EIF3H: variants seen among roughly 807,000 people sequenced by gnomAD.
EIF3H encodes eukaryotic translation initiation factor 3 subunit H, also known as eIF-3-gamma.
EIF3H carries 26 observed loss-of-function variants against 44.2 expected under a neutral mutation model. The observed-to-expected ratio is 0.59, with a 90% CI of 0.43 to 0.82. The LOEUF (loss-of-function observed/expected upper bound fraction) is 0.82. Among genes scored for constraint, EIF3H ranks in the 40% least tolerant of loss-of-function variants. The pLI, the probability that EIF3H is intolerant of heterozygous loss-of-function variation, is 0.00. For synonymous variants in EIF3H, 166 were observed against 151.9 expected (o/e 1.09, Z -0.68); for missense variants, 359 against 432.8 (o/e 0.83, Z 1.51).
intron 2 of EIF3H, among the ~76,000 whole-genome samples, chr8:116,722,433 G>A (rs1282633167): frequency 5.9e-5 from 9 of 152,096 alleles, no homozygotes; most frequent in Non-Finnish European, 1.5e-5. Flanking sequence ...TTGTGTCCTT[G>A]CTAGCTAACT....
chr8:116,722,561 ATATG>A (rs374505945), intron 2 of EIF3H, among the ~76,000 whole-genome samples: 34 of 152,240 alleles, frequency 2.2e-4, no homozygotes, highest in Middle Eastern at 3.4e-3. Context: ...CTCTTACTAC[ATATG>A]TATGTATCTT....
chr8:116,756,274 C>T (rs773291337), upstream of EIF3H, among the ~76,000 whole-genome samples: 14 of 152,178 alleles, frequency 9.2e-5, no homozygotes, highest in Non-Finnish European at 1.6e-4. Flanking sequence ...TAGATAGCTG[C>T]TTGTAACCAC....
At chr8:116,740,444 C>T (rs1444280694) in intron 1 of EIF3H, among the ~76,000 whole-genome samples, 2 of 152,134 alleles carry the variant, frequency 1.3e-5, no homozygotes, top group Non-Finnish European at 2.9e-5. Flanking sequence ...GGTCAGATCA[C>T]GACTCCCTTA....
chr8:116,762,289 G>A (rs1815525550), intron 1 of EIF3H, among the ~76,000 whole-genome samples: 1 of 152,154 alleles, frequency 6.6e-6, no homozygotes, highest in South Asian at 2.1e-4. Context: ...AACCAAGGTA[G>A]AAGTTTATTT....
At chr8:116,763,843 A>T (rs1815542346) in intron 1 of EIF3H, among the ~76,000 whole-genome samples, 1 of 152,192 alleles carries the variant, frequency 6.6e-6, no homozygotes, top group Non-Finnish European at 1.5e-5. Flanking sequence ...ACATTGATGA[A>T]ATTCAACAAA....
Position 116,701,995 on chromosome 8 carries a change from A to T in EIF3H, c.289+24021T>A, listed in dbSNP as rs199564698. ...GTCTTTGCAAGTTCTGTAAATCTAAATTTTTTTTTTAAATAAAAGATTTAA... is the reference window on the plus strand; with the variant it reads ...GTCTTTGCAAGTTCTGTAAATCTAATTTTTTTTTTTAAATAAAAGATTTAA... On this transcript the variant is annotated intron_variant, in intron 2 of 7. Transcript: ENST00000521861. Among the ~76,000 whole-genome samples the T allele has an allele frequency of 7.3e-5, 11 of 151,340 alleles. No individual in the cohort carries two copies. The East Asian group carries it at 1.7e-3, about 24-fold the overall frequency.
At chr8:116,711,519 A>T (rs1315563784) in intron 2 of EIF3H, among the ~76,000 whole-genome samples, 1 of 152,238 alleles carries the variant, frequency 6.6e-6, no homozygotes, top group African/African-American at 2.4e-5. Flanking sequence ...AAAACTGAGT[A>T]CATTTAAAGT....
At chr8:116,680,198 TG>T (rs1221037720) in intron 2 of EIF3H, among the ~76,000 whole-genome samples, 258 of 5,088 alleles carry the variant, frequency 0.051, 38 homozygotes, top group Non-Finnish European at 0.1. Flanking sequence ...TCCGGGAGGG[TG>T]GGGGGGGGGG....
intron 2 of EIF3H, among the ~76,000 whole-genome samples, chr8:116,685,361 T>G (rs1814059004): frequency 6.6e-6 from 1 of 152,190 alleles, no homozygotes; most frequent in African/African-American, 2.4e-5. Flanking sequence ...AAGAAGCCTG[T>G]TCTTCAGCCA....
intron 5 of EIF3H, among the ~76,000 whole-genome samples, chr8:116,650,154 A>C (rs992591655): frequency 6.6e-6 from 1 of 152,226 alleles, no homozygotes; most frequent in African/African-American, 2.4e-5. Context: ...ATTTTGCTTA[A>C]ATTTTAAAAT....
intron 5 of EIF3H, among the ~76,000 whole-genome samples, chr8:116,649,618 A>T (rs180814568): frequency 7.3e-4 from 111 of 152,314 alleles, no homozygotes; most frequent in African/African-American, 2.5e-3. Flanking sequence ...CTATACATAT[A>T]TATATTTTTA....
chr8:116,716,145 G>A (rs1187377555), intron 2 of EIF3H, among the ~76,000 whole-genome samples: 2 of 151,984 alleles, frequency 1.3e-5, no homozygotes, highest in Non-Finnish European at 2.9e-5. Flanking sequence ...AATCTCATAA[G>A]GAAATTATCA....
chr8:116,724,209 G>A (rs918579636), intron 2 of EIF3H, among the ~76,000 whole-genome samples: 1 of 152,160 alleles, frequency 6.6e-6, no homozygotes, highest in Admixed American at 6.5e-5. Flanking sequence ...CAATGGGAAA[G>A]GACAGTCTCT....
intron 5 of EIF3H, among the ~76,000 whole-genome samples, chr8:116,655,519 G>C (rs1813473767): frequency 6.6e-6 from 1 of 151,978 alleles, no homozygotes; most frequent in Non-Finnish European, 1.5e-5. Context: ...AGCCTCTTAG[G>C]ATCGTGTACA....
chr8:116,673,387 G>A (rs187926401), intron 2 of EIF3H, among the ~76,000 whole-genome samples: 11 of 152,212 alleles, frequency 7.2e-5, no homozygotes, highest in African/African-American at 7.2e-5. Context: ...TCATACTGTG[G>A]TATTTAGATG....
chr8:116,666,753 C>CAAAAAAAAAAAAAAAA lies in EIF3H; in HGVS notation c.290-7789_290-7774dup, dbSNP rs56700266. Among the ~76,000 whole-genome samples, 5 of 71,432 alleles carry CAAAAAAAAAAAAAAAA rather than the reference C, an allele frequency of 7.0e-5. 1 individual carries two copies. Among genetic ancestry groups the CAAAAAAAAAAAAAAAA allele is most frequent in the African/African-American group, 3.4e-4 (5 of 14,598 alleles). 46.9% of individuals were successfully genotyped at this position (71,432 alleles called of 152,430 possible). A position where few individuals can be genotyped will look rare whatever the true frequency, so the allele number is the denominator to read the frequency against. On this transcript the variant is annotated intron_variant, in intron 2 of 7. Coordinates refer to ENST00000521861, the MANE Select transcript of EIF3H (RefSeq NM_003756.3). ...CCAAATGAGAATCTTTAGTGTTAGG[C>CAAAAAAAAAAAAAAAA]AAAAAAAAAAAAAAAAAAAAAAATT...
chr8:116,737,289 TG>T (rs1815058111), intron 1 of EIF3H: 1 of 433,526 alleles, frequency 2.3e-6, no homozygotes, highest in Admixed American at 2.6e-5. Flanking sequence ...GGCATTTCCC[TG>T]GGGAAGAAAA....
At chr8:116,712,864 C>T (rs1814597887) in intron 2 of EIF3H, among the ~76,000 whole-genome samples, 1 of 151,950 alleles carries the variant, frequency 6.6e-6, no homozygotes, top group African/African-American at 2.4e-5. Context: ...AATTAATTAT[C>T]GATCTGTAAA....
At chr8:116,679,089 C>T (rs1379930685) in intron 2 of EIF3H, among the ~76,000 whole-genome samples, 1 of 58,084 alleles carries the variant, frequency 1.7e-5, no homozygotes, top group Admixed American at 1.3e-4. Context: ...TCCCTCTGCC[C>T]GGCCAGCCTC....
Sources: gnomAD v4.1 joint callset for allele counts (sites outside exome capture counted in the v4.1 genomes callset) on GRCh38, gnomAD v4.1.1 for gene constraint, MANE v1.5 for transcripts, NCBI Gene and HGNC (gene_info 2026-07-23, HGNC 2026-07-21) for gene names.